FAAH2: variants seen among roughly 807,000 people sequenced by gnomAD.
FAAH2 encodes fatty-acid amide hydrolase 2.
FAAH2 carries 60 observed loss-of-function variants against 36.9 expected under a neutral mutation model. That is an observed-to-expected ratio of 1.63 (90% CI 1.32 to 2.02). The LOEUF (loss-of-function observed/expected upper bound fraction) is 2.02, where lower values mean the gene tolerates loss of function less well. Among genes scored for constraint, FAAH2 ranks in the 30% most tolerant of loss-of-function variants. The pLI is 0.00. For synonymous variants in FAAH2, 214 were observed against 143.8 expected (o/e 1.49, Z -3.49); for missense variants, 689 against 397.5 (o/e 1.73, Z -6.23).
intron 5 of FAAH2, among the ~76,000 whole-genome samples, chrX:57,377,102 G>A (rs2054702718): frequency 8.9e-6 from 1 of 112,225 alleles, no homozygotes; most frequent in Admixed American, 9.4e-5. Flanking sequence ...TCTGTAGGTT[G>A]CCTGCTCAAT....
the FAAH2 span, among the ~76,000 whole-genome samples, chrX:57,229,850 G>C: frequency 6.3e-5 from 7 of 111,317 alleles, no homozygotes; most frequent in Middle Eastern, 4.2e-3. Context: ...CTTGTCACCT[G>C]ATATTTACCC....
At chrX:57,402,505 T>C (rs747456353) in intron 7 of FAAH2, among the ~76,000 whole-genome samples, 3 of 111,796 alleles carry the variant, frequency 2.7e-5, no homozygotes, top group African/African-American at 6.5e-5. Context: ...TTAGGGTTTC[T>C]AAATTTTGCT....
chrX:57,357,744 T>C (rs2054194204), intron 5 of FAAH2, among the ~76,000 whole-genome samples: 1 of 111,316 alleles, frequency 9.0e-6, no homozygotes, highest in African/African-American at 3.3e-5. Flanking sequence ...GGTTAGAGTG[T>C]AAATTAGTTC....
chrX:57,382,742 G>C (rs1472139137), intron 7 of FAAH2, among the ~76,000 whole-genome samples: 15 of 111,108 alleles, frequency 1.4e-4, no homozygotes, highest in Non-Finnish European at 5.7e-5. Context: ...AATTCTACCA[G>C]AGGTACAAGG....
intron 10 of FAAH2, among the ~76,000 whole-genome samples, chrX:57,477,703 T>C (rs1319928404): frequency 9.8e-6 from 1 of 101,786 alleles, no homozygotes; most frequent in East Asian, 3.5e-4. Flanking sequence ...AGTGTTCTCA[T>C]TGTTCCATTC....
chrX:57,378,977 AT>A (rs1352769201), intron 6 of FAAH2, among the ~76,000 whole-genome samples, 191 bp downstream of exon 6: 1 of 111,966 alleles, frequency 8.9e-6, no homozygotes, highest in Non-Finnish European at 1.9e-5. Flanking sequence ...ATGTAAAAGT[AT>A]TTTACTGAGA....
the FAAH2 span, among the ~76,000 whole-genome samples, chrX:57,234,908 C>A: frequency 9.0e-6 from 1 of 111,482 alleles, no homozygotes; most frequent in South Asian, 3.8e-4. Flanking sequence ...CATGGTGGTG[C>A]ACCCTAGTAA....
rs747299073 is a variant in FAAH2, at chrX:57,317,643, A to G, written c.412+6914A>G. On this transcript the variant is annotated intron_variant, in intron 3 of 10. Coordinates refer to ENST00000374900, the MANE Select transcript of FAAH2 (RefSeq NM_174912.4). ...ATTAACAAGAATATTTAGGACTTGA[A>G]CTCAGCTCTGGACCAAGTAGACCTA... Among the ~76,000 whole-genome samples the G allele has an allele frequency of 2.1e-3, 238 of 111,840 alleles. 1 individual carries two copies. Among genetic ancestry groups the G allele is most frequent in the Non-Finnish European group, 3.7e-3 (198 of 53,102 alleles).
intron 10 of FAAH2, among the ~76,000 whole-genome samples, chrX:57,484,905 G>T (rs1405929660): frequency 9.0e-6 from 1 of 111,153 alleles, no homozygotes; most frequent in Non-Finnish European, 1.9e-5. Context: ...GTTCAGTGCT[G>T]TCTGTGTAAT....
Position 57,309,298 on chromosome X carries a change from A to C in FAAH2, c.276-1295A>C, listed in dbSNP as rs759022405. 2.7e-5 allele frequency among the ~76,000 whole-genome samples: 3 copies of C among 111,924 alleles called. No homozygotes were observed. In the Admixed American group the frequency reaches 2.9e-4, roughly 11 times the overall value. On this transcript the variant is annotated intron_variant, in intron 2 of 10. Coordinates refer to ENST00000374900, the MANE Select transcript of FAAH2 (RefSeq NM_174912.4). ...AAAATTACCTATAATCATAGCACCA[A>C]AAGAGTAGTTATTCACTGTTAATGT...
intron 7 of FAAH2, among the ~76,000 whole-genome samples, chrX:57,412,265 C>T (rs749655025): frequency 3.5e-4 from 39 of 111,043 alleles, no homozygotes; most frequent in African/African-American, 8.2e-4. Context: ...TTAAGTTCTG[C>T]GGAATGTGCA....
chrX:57,253,031 C>T, the FAAH2 span, among the ~76,000 whole-genome samples: 2 of 111,393 alleles, frequency 1.8e-5, no homozygotes, highest in Non-Finnish European at 3.8e-5. Context: ...AAAGGTAAGA[C>T]GAATGGCTAA....
the FAAH2 span, among the ~76,000 whole-genome samples, chrX:57,253,658 C>T: frequency 6.3e-5 from 7 of 111,428 alleles, no homozygotes; most frequent in Non-Finnish European, 1.3e-4. Flanking sequence ...AATTTCATAT[C>T]CAGCCAAACT....
chrX:57,295,656 G>A (rs916288106), intron 2 of FAAH2, among the ~76,000 whole-genome samples: 6 of 112,139 alleles, frequency 5.4e-5, no homozygotes, highest in African/African-American at 1.9e-4. Context: ...AGCAGGGCGA[G>A]GCATCACCTC....
the FAAH2 span, among the ~76,000 whole-genome samples, chrX:57,234,864 T>A: frequency 9.0e-6 from 1 of 111,596 alleles, no homozygotes; most frequent in Non-Finnish European, 1.9e-5. Flanking sequence ...ATGGCAAAAC[T>A]CTGTCTCTAC....
At chrX:57,219,861 G>GTTTTTT in the FAAH2 span, among the ~76,000 whole-genome samples, 2 of 50,649 alleles carry the variant, frequency 3.9e-5, no homozygotes, top group African/African-American at 3.5e-4. Flanking sequence ...TAAGCGCCTT[G>GTTTTTT]TCTTTTTTTT....
intron 10 of FAAH2, among the ~76,000 whole-genome samples, chrX:57,471,207 A>C (rs780754768): frequency 6.1e-4 from 68 of 111,736 alleles, no homozygotes; most frequent in African/African-American, 2.1e-3. Context: ...GACCTCTCTC[A>C]CCATTCCTAT....
Position 57,331,700 on chromosome X carries a change from G to A in FAAH2, c.515G>A (p.Gly172Asp), listed in dbSNP as rs1019894886. 4 of 1,209,553 alleles carry A rather than the reference G, an allele frequency of 3.3e-6. No homozygotes were observed. Among genetic ancestry groups the A allele is most frequent in the Admixed American group, 2.2e-5 (1 of 45,670 alleles). Residue 172 changes from glycine to aspartate, a missense_variant, in exon 4 of 11, where the codon GGC (glycine) becomes GAC (aspartate). Coordinates refer to ENST00000374900, the MANE Select transcript of FAAH2 (RefSeq NM_174912.4). ...AAGGGAGCTGGTGCCATTCCTCTTG[G>A]CATAACCAACTGTAGTGAGTTGTGT... ...LLKGAGAIPL[G>D]ITNCSELCMW...
chrX:57,185,499 T>TGC, the FAAH2 span, among the ~76,000 whole-genome samples: 23 of 106,587 alleles, frequency 2.2e-4, no homozygotes, highest in African/African-American at 8.3e-4. Context: ...TGTGTGTGTG[T>TGC]GTGTGTGTGT....
Sources: gnomAD v4.1 joint callset for allele counts (sites outside exome capture counted in the v4.1 genomes callset) on GRCh38, gnomAD v4.1.1 for gene constraint, MANE v1.5 for transcripts, NCBI Gene and HGNC (gene_info 2026-07-23, HGNC 2026-07-21) for gene names.